The following GRM3 variants were observed in gnomAD, a reference collection of about 807,000 sequenced individuals.
GRM3 encodes the protein metabotropic glutamate receptor 3.
In GRM3, 26 loss-of-function variants were observed where a neutral mutation model predicts 70.5. The ratio of observed to expected loss-of-function variants is 0.37; its 90% CI spans 0.27 to 0.51. The LOEUF is 0.51. GRM3 is among the 20% of genes least tolerant of loss of function. GRM3 has a pLI of 0.93. For missense variants in GRM3, 859 were observed against 1,123.8 expected (o/e 0.76, Z 3.37); for synonymous variants, 443 against 434.9 (o/e 1.02, Z -0.23).
In GRM3 at chr7:86,737,434, CTG is replaced by C. The variant is rs143359662; in HGVS notation, c.-140-27571_-140-27570del. On this transcript the variant is annotated intron_variant, in intron 1 of 5. Coordinates refer to ENST00000361669, the MANE Select transcript of GRM3 (RefSeq NM_000840.3). Reference sequence around the variant, plus strand: ...GATGCTATGCTGTTTCTGGAACTGACTGAATCTCTCTGAACACTGGCTACTGC... The same window carrying C: ...GATGCTATGCTGTTTCTGGAACTGACAATCTCTCTGAACACTGGCTACTGC... 5.4e-4 allele frequency among the ~76,000 whole-genome samples: 82 copies of C among 152,298 alleles called. No homozygotes were observed. The East Asian group carries it at 0.015, about 28-fold the overall frequency.
intron 1 of GRM3, chr7:86,645,078 T>C (rs568568698): frequency 5.5e-5 from 19 of 347,594 alleles, no homozygotes; most frequent in African/African-American, 3.7e-4. Flanking sequence ...CGCCCACGTC[T>C]GTGTCTGGGA....
At chr7:86,736,922 T>C (rs1404929029) in intron 1 of GRM3, among the ~76,000 whole-genome samples, 1 of 151,978 alleles carries the variant, frequency 6.6e-6, no homozygotes, top group Non-Finnish European at 1.5e-5. Flanking sequence ...ATTTAACCCA[T>C]ATCTAATGAG....
intron 1 of GRM3, among the ~76,000 whole-genome samples, chr7:86,656,382 G>A (rs1178119245): frequency 6.7e-6 from 1 of 149,184 alleles, no homozygotes; most frequent in Admixed American, 6.8e-5. Flanking sequence ...AATTCTCATG[G>A]CTCAGCCTCC....
chr7:86,685,304 A>T (rs572388572), intron 1 of GRM3, among the ~76,000 whole-genome samples: 48 of 152,246 alleles, frequency 3.2e-4, no homozygotes, highest in Non-Finnish European at 4.1e-4. Flanking sequence ...TGTTTTTTTT[A>T]AAACTGCTGT....
At chr7:86,824,705 T>C (rs1183205593) in intron 3 of GRM3, among the ~76,000 whole-genome samples, 1 of 152,200 alleles carries the variant, frequency 6.6e-6, no homozygotes, top group Non-Finnish European at 1.5e-5. Flanking sequence ...AGGATGACTG[T>C]GGGTGAAGTT....
At chr7:86,798,599 C>G (rs945283152) in intron 3 of GRM3, among the ~76,000 whole-genome samples, 10 of 152,198 alleles carry the variant, frequency 6.6e-5, no homozygotes, top group African/African-American at 2.4e-4. Context: ...GGCAAAGACA[C>G]TTGCCTTGTC....
intron 3 of GRM3, among the ~76,000 whole-genome samples, chr7:86,787,511 T>C (rs534215118): frequency 1.2e-4 from 19 of 152,248 alleles, no homozygotes; most frequent in African/African-American, 4.6e-4. Flanking sequence ...GCCTTCTTTG[T>C]GGGTGACTTG....
intron 3 of GRM3, among the ~76,000 whole-genome samples, chr7:86,823,321 T>C (rs1798161665): frequency 6.6e-6 from 1 of 152,110 alleles, no homozygotes; most frequent in South Asian, 2.1e-4. Flanking sequence ...ATTCTCAGCA[T>C]CCCAGATTCA....
intron 1 of GRM3, among the ~76,000 whole-genome samples, chr7:86,685,072 TC>T: frequency 6.6e-6 from 1 of 152,340 alleles, no homozygotes; most frequent in South Asian, 2.1e-4. Context: ...GTTGCTAGGT[TC>T]AATTTCTCAT....
At chr7:86,772,522 A>T (rs1369084574) in intron 2 of GRM3, among the ~76,000 whole-genome samples, 1 of 152,100 alleles carries the variant, frequency 6.6e-6, no homozygotes, top group Admixed American at 6.6e-5. Context: ...GTTCCATTCC[A>T]ATTGTACTTA....
intron 2 of GRM3, among the ~76,000 whole-genome samples, chr7:86,770,051 CAA>C (rs1796699677): frequency 1.3e-5 from 2 of 152,122 alleles, no homozygotes; most frequent in East Asian, 1.9e-4. Context: ...TGTTTTGAAA[CAA>C]TGATAATGCT....
intron 1 of GRM3, among the ~76,000 whole-genome samples, chr7:86,695,851 T>C (rs1034619382): frequency 6.6e-6 from 1 of 152,164 alleles, no homozygotes; most frequent in African/African-American, 2.4e-5. Context: ...GGTGCTTTTT[T>C]AAGTTGTAGA....
rs1477763402 is a variant in GRM3 at position 86,850,500 on chromosome 7, T to C, written c.2522T>C (p.Leu841Pro). ...AATGTTGTCACACACAGACTGCACC[T>C]CAACAGGTTCAGTGTCAGTGGAACT... ...QKNVVTHRLH[L>P]NRFSVSGTGT... Residue 841 changes from leucine to proline, a missense_variant, in exon 5 of 6, where the codon CTC becomes CCC. Transcript: ENST00000361669. 6.2e-7 allele frequency: 1 copy of C among 1,611,986 alleles called. No individual in the cohort carries two copies. Among genetic ancestry groups the C allele is most frequent in the South Asian group, 1.1e-5 (1 of 91,032 alleles).
chr7:86,672,897 G>A (rs1339691964), intron 1 of GRM3, among the ~76,000 whole-genome samples: 1 of 152,138 alleles, frequency 6.6e-6, no homozygotes, highest in Non-Finnish European at 1.5e-5. Flanking sequence ...TGAACATATA[G>A]AAAACCAATA....
At chr7:86,752,261 C>T (rs552455888) in intron 1 of GRM3, among the ~76,000 whole-genome samples, 16 of 152,084 alleles carry the variant, frequency 1.1e-4, no homozygotes, top group Non-Finnish European at 2.1e-4. Flanking sequence ...TAAATGGATT[C>T]ATGCAATACG....
intron 2 of GRM3, among the ~76,000 whole-genome samples, chr7:86,767,735 G>C (rs775750885): frequency 6.6e-6 from 1 of 151,606 alleles, no homozygotes; most frequent in Non-Finnish European, 1.5e-5. Context: ...TGCAATAAAT[G>C]GTACTCTACA....
At chr7:86,661,842 T>A (rs1793901499) in intron 1 of GRM3, among the ~76,000 whole-genome samples, 1 of 151,976 alleles carries the variant, frequency 6.6e-6, no homozygotes. Context: ...CAACATTAGC[T>A]AGTAAATTGA....
intron 3 of GRM3, among the ~76,000 whole-genome samples, chr7:86,792,650 G>C (rs1009442752): frequency 6.6e-6 from 1 of 152,190 alleles, no homozygotes; most frequent in Non-Finnish European, 1.5e-5. Flanking sequence ...GCTGGGACCT[G>C]AGGACCCAAC....
intron 1 of GRM3, among the ~76,000 whole-genome samples, chr7:86,684,472 C>A (rs2237543): frequency 0.094 from 14,307 of 152,170 alleles, 754 homozygotes; most frequent in South Asian, 0.15. Flanking sequence ...CAGATGGCAA[C>A]AAGTCTATGT....
Sources: gnomAD v4.1 joint callset for allele counts (sites outside exome capture counted in the v4.1 genomes callset) on GRCh38, gnomAD v4.1.1 for gene constraint, MANE v1.5 for transcripts, NCBI Gene and HGNC (gene_info 2026-07-23, HGNC 2026-07-21) for gene names.